Variants in CNKSR2 observed in about 807,000 individuals in gnomAD.
The protein encoded by CNKSR2 is connector enhancer of kinase suppressor of Ras 2.
CNKSR2 carries 14 observed loss-of-function variants against 84.4 expected under a neutral mutation model. The observed-to-expected ratio is 0.17, with a 90% confidence interval of 0.11 to 0.26. The LOEUF (loss-of-function observed/expected upper bound fraction) is 0.26, where lower values mean the gene tolerates loss of function less well. CNKSR2 is among the 10% of genes least tolerant of loss of function. The pLI is 1.00. For missense variants in CNKSR2, 485 were observed against 771.2 expected (o/e 0.63, Z 4.40); for synonymous variants, 275 against 277.9 (o/e 0.99, Z 0.10).
In CNKSR2 at chrX:21,609,463, T is replaced by G. The variant is rs1274058523; in HGVS notation, c.2538T>G (p.Thr846=). Residue 846 remains threonine (T), a synonymous_variant, in exon 20 of 22, where the codon ACT becomes ACG. Coordinates refer to ENST00000379510, the MANE Select transcript of CNKSR2 (RefSeq NM_014927.5). The stretch of plus-strand genomic sequence containing the variant: ...ATGGGGGCAAGCCTCGAAGTTTTAC[T>G]CTGCCTCGAGATAGCGGGTTCAACC... ...NGNGGKPRSF[T]LPRDSGFNHC... is the part of the protein sequence containing the mutation. The G allele has an allele frequency of 8.3e-7, 1 of 1,211,192 alleles. No individual in the cohort carries two copies.
rs778729103 is a variant in CNKSR2, at chrX:21,491,435, T to C, written c.681+857T>C. On this transcript the variant is annotated intron_variant, in intron 6 of 21. Transcript: ENST00000379510. The stretch of plus-strand genomic sequence containing the variant: ...AATTGAATTCAGATAATATATTCTT[T>C]AAGATCTCTAAGCAAGTTTAACTTT... The C allele has an allele frequency of 4.4e-5, 5 of 112,442 alleles. No individual in the cohort carries two copies. The East Asian group carries it at 1.4e-3, about 31-fold the overall frequency. The allele number at this position is 112,442 out of a possible 1,213,427, so 9.3% of individuals were successfully genotyped here. A position where few individuals can be genotyped will look rare whatever the true frequency, so the allele number is the denominator to read the frequency against.
chrX:21,540,512 C>A (rs1247456493), intron 11 of CNKSR2, among the ~76,000 whole-genome samples: 1 of 111,161 alleles, frequency 9.0e-6, no homozygotes, highest in Non-Finnish European at 1.9e-5. Flanking sequence ...AGTATGTAAT[C>A]CTGCTTAAAT....
intron 1 of CNKSR2, among the ~76,000 whole-genome samples, chrX:21,401,377 A>C (rs2090189339): frequency 1.8e-5 from 2 of 112,216 alleles, no homozygotes; most frequent in South Asian, 7.2e-4. Context: ...CTAAATCTAC[A>C]AACATTTAAC....
intron 13 of CNKSR2, among the ~76,000 whole-genome samples, chrX:21,578,612 A>G (rs2092334960): frequency 9.4e-6 from 1 of 106,668 alleles, no homozygotes; most frequent in African/African-American, 3.4e-5. Flanking sequence ...CACTGTGCTG[A>G]GCACATACTA....
In CNKSR2 at chrX:21,457,288, A is replaced by G. The variant is rs1261829838; in HGVS notation, c.520-13478A>G. 2.7e-5 allele frequency among the ~76,000 whole-genome samples: 3 copies of G among 111,448 alleles called. No homozygotes were observed. In the East Asian group the frequency reaches 8.4e-4, roughly 31 times the overall value. On this transcript the variant is annotated intron_variant, in intron 4 of 21. Transcript: ENST00000379510. ...ACTACAAATTTATATTGTACTATAT[A>G]CACATTTTTGCGATTTTTCTTTCCT...
At chrX:21,480,760 G>A (rs1454170946) in intron 5 of CNKSR2, among the ~76,000 whole-genome samples, 2 of 111,941 alleles carry the variant, frequency 1.8e-5, no homozygotes, top group East Asian at 2.8e-4. Flanking sequence ...CTCATCAAAG[G>A]TGTACATTTG....
chrX:21,495,661 T>A (rs2147053409), intron 6 of CNKSR2: 1 of 104,742 alleles, frequency 9.5e-6, no homozygotes, highest in South Asian at 4.6e-4. Context: ...TGAGCGCCTG[T>A]AATCCCAGCT....
chrX:21,513,346 A>G (rs1333268633), intron 8 of CNKSR2, among the ~76,000 whole-genome samples: 1 of 111,754 alleles, frequency 8.9e-6, no homozygotes, highest in Admixed American at 9.5e-5. Context: ...GATGTAACGG[A>G]ACCATGTTAT....
chrX:21,465,579 A>G (rs1293357288), intron 4 of CNKSR2, among the ~76,000 whole-genome samples: 2 of 111,416 alleles, frequency 1.8e-5, no homozygotes, highest in African/African-American at 6.5e-5. Flanking sequence ...ATATTTTTAT[A>G]TTATTTGTAA....
intron 20 of CNKSR2, among the ~76,000 whole-genome samples, chrX:21,615,461 G>A (rs889693739): frequency 3.6e-5 from 4 of 111,101 alleles, no homozygotes; most frequent in African/African-American, 1.3e-4. Flanking sequence ...CTTACAACTG[G>A]TATGATTGAT....
intron 4 of CNKSR2, among the ~76,000 whole-genome samples, chrX:21,444,345 A>C (rs2090823625): frequency 9.0e-6 from 1 of 111,579 alleles, no homozygotes; most frequent in African/African-American, 3.2e-5. Context: ...TTACCTTCTT[A>C]GTTGACATTT....
At chrX:21,507,684 T>G (rs1372493739) in intron 8 of CNKSR2, among the ~76,000 whole-genome samples, 1 of 111,807 alleles carries the variant, frequency 8.9e-6, no homozygotes, top group African/African-American at 3.2e-5. Flanking sequence ...ATTGTAAAAA[T>G]CATTTATAGC....
Position 21,563,529 on chromosome X carries a change from G to T in CNKSR2, c.1608+77G>T, listed in dbSNP as rs1020310939. ...AAGTGACTCTTTTGGGTAAAGTCTA[G>T]GTTATTTTTATCCTTTTACTAGATT... On this transcript the variant is annotated intron_variant, in intron 13 of 21. Transcript: ENST00000379510. The T allele has an allele frequency of 1.7e-5, 13 of 764,438 alleles. No individual in the cohort carries two copies. In the African/African-American group the frequency reaches 2.4e-4, roughly 14 times the overall value. 63.0% of individuals were successfully genotyped at this position (764,438 alleles called of 1,213,427 possible).
intron 1 of CNKSR2, among the ~76,000 whole-genome samples, chrX:21,420,519 C>G (rs1477884890): frequency 1.8e-5 from 2 of 111,895 alleles, no homozygotes; most frequent in African/African-American, 6.5e-5. Context: ...TGGGTCTCAC[C>G]TGAAGCCAAC....
At chrX:21,515,333 C>T (rs1304012599) in intron 8 of CNKSR2, among the ~76,000 whole-genome samples, 1 of 111,211 alleles carries the variant, frequency 9.0e-6, no homozygotes, top group African/African-American at 3.3e-5. Context: ...TGACAAATAT[C>T]TTCCAGGCAA....
rs751021930 is a variant in CNKSR2 at position 21,642,392 on chromosome X, A to G, written c.2693-6439A>G. 1.7e-5 allele frequency: 13 copies of G among 751,090 alleles called. No homozygotes were observed. The African/African-American group carries it at 2.6e-4, about 15-fold the overall frequency. The allele number at this position is 751,090 out of a possible 1,213,427, so 61.9% of individuals were successfully genotyped here. ...CTTTTCTGTAAAATATTTTGAATCT[A>G]TAGGCTGTGGGTTTCATTTTTGAAA... is the stretch of plus-strand genomic sequence containing the variant. On this transcript the variant is annotated intron_variant, in intron 20 of 21. Transcript: ENST00000379510.
Position 21,563,560 on chromosome X carries a change from A to T in CNKSR2, c.1608+108A>T, listed in dbSNP as rs867522688. On this transcript the variant is annotated intron_variant, in intron 13 of 21. Transcript: ENST00000379510. ...TTTTATCCTTTTACTAGATTTTCAC[A>T]AAAGAGCCTAACTTTAAAGTTTATG... 1.4e-5 allele frequency: 8 copies of T among 564,341 alleles called. No homozygotes were observed. In the Middle Eastern group the frequency reaches 2.5e-3, roughly 178 times the overall value. The allele number at this position is 564,341 out of a possible 1,213,427, so 46.5% of individuals were successfully genotyped here. A position where few individuals can be genotyped will look rare whatever the true frequency, so the allele number is the denominator to read the frequency against.
chrX:21,537,686 T>C (rs1441511095), intron 11 of CNKSR2, among the ~76,000 whole-genome samples: 2 of 111,302 alleles, frequency 1.8e-5, no homozygotes, highest in Non-Finnish European at 3.8e-5. Context: ...TTGATTTGGT[T>C]TTTGTTTGCA....
chrX:21,460,211 A>G (rs1480415284), intron 4 of CNKSR2, among the ~76,000 whole-genome samples: 2 of 112,154 alleles, frequency 1.8e-5, no homozygotes, highest in Non-Finnish European at 3.8e-5. Context: ...TGCTTGCCAG[A>G]CAATTGTATG....
Sources: allele counts gnomAD v4.1 joint callset (sites outside exome capture counted in the v4.1 genomes callset), GRCh38; gene constraint gnomAD v4.1.1; transcripts MANE v1.5; gene names NCBI Gene and HGNC (gene_info 2026-07-23, HGNC 2026-07-21).